The following SDK2 variants were observed in gnomAD, a reference collection of about 807,000 sequenced individuals.
SDK2 encodes sidekick cell adhesion molecule 2.
In SDK2, 105 loss-of-function variants were observed where a neutral mutation model predicts 253.9. The ratio of observed to expected loss-of-function variants is 0.41; its 90% CI spans 0.35 to 0.49. The LOEUF (loss-of-function observed/expected upper bound fraction) is 0.49. Ranked by LOEUF, SDK2 falls within the 20% of genes least tolerant of loss-of-function variation. SDK2 has a pLI of 0.06. For synonymous variants in SDK2, 1,249 were observed against 1,234.9 expected (o/e 1.01, Z -0.24); for missense variants, 2,608 against 3,003.0 (o/e 0.87, Z 3.07).
chr17:73,463,694 C>T (rs1221102647), intron 3 of SDK2, among the ~76,000 whole-genome samples: 7 of 152,152 alleles, frequency 4.6e-5, no homozygotes, highest in South Asian at 4.1e-4. Context: ...TATAGTCTTC[C>T]GTGATTTGCA....
intron 1 of SDK2, among the ~76,000 whole-genome samples, chr17:73,550,016 C>T (rs1366462675): frequency 6.6e-6 from 1 of 152,102 alleles, no homozygotes; most frequent in Non-Finnish European, 1.5e-5. Flanking sequence ...ACTAATGCAC[C>T]CCTCCCGCTG....
At chr17:73,483,661 G>GTGTGTGTA (rs1388091890) in intron 2 of SDK2, among the ~76,000 whole-genome samples, 1 of 70,192 alleles carries the variant, frequency 1.4e-5, no homozygotes, top group African/African-American at 6.2e-5. Flanking sequence ...GTGTGTGTGT[G>GTGTGTGTA]TATATATATA....
chr17:73,469,992 GCA>G (rs34448667), intron 3 of SDK2, among the ~76,000 whole-genome samples: 4,564 of 126,190 alleles, frequency 0.036, 71 homozygotes, highest in African/African-American at 0.051. Context: ...GCGCGCGCGC[GCA>G]CACACACACA....
At chr17:73,377,587 G>A (rs113941181) in intron 36 of SDK2, among the ~76,000 whole-genome samples, 3,007 of 151,264 alleles carry the variant, frequency 0.02, 87 homozygotes, top group East Asian at 0.12. Context: ...TTCACCCCTC[G>A]GGGGGTGAGA....
At chr17:73,410,099 CT>C (rs758904532) in intron 18 of SDK2, among the ~76,000 whole-genome samples, 1 of 152,164 alleles carries the variant, frequency 6.6e-6, no homozygotes, top group Non-Finnish European at 1.5e-5. Flanking sequence ...AGAGATCCCC[CT>C]GTCTTGGCCT....
chr17:73,633,844 CT>C (rs756578796), intron 1 of SDK2, among the ~76,000 whole-genome samples: 2 of 151,950 alleles, frequency 1.3e-5, no homozygotes, highest in Admixed American at 6.6e-5. Flanking sequence ...TCACGCTAGA[CT>C]TTTTGGGGTC....
chr17:73,461,361 A>G (rs2063561135), intron 3 of SDK2, among the ~76,000 whole-genome samples: 1 of 152,248 alleles, frequency 6.6e-6, no homozygotes, highest in Admixed American at 6.5e-5. Context: ...AAGTAAATCA[A>G]CCCAAAAGCA....
At chr17:73,615,279 A>C (rs1315606072) in intron 1 of SDK2, among the ~76,000 whole-genome samples, 3 of 152,196 alleles carry the variant, frequency 2.0e-5, no homozygotes, top group Non-Finnish European at 4.4e-5. Flanking sequence ...CCAGAAGTAA[A>C]GTAAGTTGTC....
chr17:73,462,876 G>C (rs2063573449), intron 3 of SDK2, among the ~76,000 whole-genome samples: 1 of 152,124 alleles, frequency 6.6e-6, no homozygotes, highest in Admixed American at 6.5e-5. Context: ...GTGCTTCTTG[G>C]ATCTGCCCAG....
At chr17:73,413,829 C>T (rs752766163) in intron 18 of SDK2, among the ~76,000 whole-genome samples, 22 of 152,206 alleles carry the variant, frequency 1.4e-4, no homozygotes, top group East Asian at 7.7e-4. Flanking sequence ...AAAGAACATG[C>T]GCAGGTTGCC....
intron 1 of SDK2, among the ~76,000 whole-genome samples, chr17:73,582,430 CT>C (rs1599699437): frequency 6.6e-6 from 1 of 152,226 alleles, no homozygotes; most frequent in Admixed American, 6.5e-5. Context: ...GGCACGAACA[CT>C]TTGCCTTTTT....
chr17:73,473,612 C>G (rs1378789287), intron 2 of SDK2, among the ~76,000 whole-genome samples: 1 of 152,208 alleles, frequency 6.6e-6, no homozygotes, highest in African/African-American at 2.4e-5. Context: ...TGGCTAGGGC[C>G]TGTCATCATC....
intron 27 of SDK2, among the ~76,000 whole-genome samples, chr17:73,392,191 G>A (rs1354264931): frequency 8.9e-6 from 1 of 111,940 alleles, no homozygotes; most frequent in East Asian, 2.5e-4. Context: ...TGGGGCAGGG[G>A]GTGGGGGAGG....
chr17:73,517,235 G>A (rs2064036515), intron 1 of SDK2: 1 of 152,170 alleles, frequency 6.6e-6, no homozygotes, highest in African/African-American at 2.4e-5. Context: ...TGTGGGACAA[G>A]ACTAGGTGAT....
At chr17:73,433,965 T>G in intron 9 of SDK2, 117 bp from the exon 10 acceptor site, 1 of 654,236 alleles carries the variant, frequency 1.5e-6, no homozygotes, top group Non-Finnish European at 2.6e-6. Flanking sequence ...CCTGCCATGG[T>G]GAGGGGCCCT....
intron 1 of SDK2, among the ~76,000 whole-genome samples, chr17:73,540,778 C>T (rs768287991): frequency 9.2e-5 from 14 of 152,146 alleles, no homozygotes; most frequent in Non-Finnish European, 1.9e-4. Context: ...GGCACCCATG[C>T]CAGTGACCTG....
In SDK2 at chr17:73,352,476, G is replaced by A; in HGVS notation, c.5755C>T (p.Pro1919Ser). The change falls in exon 41 of 45, where the codon CCA (proline) becomes TCA (serine). Residue 1919 changes from proline (P) to serine (S), a missense_variant. Physicochemically the swap from Pro to Ser is moderately conservative, Grantham distance 74. This residue lies in a region of SDK2 where 1,103 missense variants were observed against 1,143.9 expected (regional missense o/e 0.96). Transcript: ENST00000392650. The surrounding 1 kb of genome is among the most constrained non-coding windows in gnomAD (Gnocchi z 4.1). The part of the protein sequence containing the change: ...GTPSSPSQSV[P>S]AQKANPFYEE... ...CCCTCAGCCCCCAGGCCGGTACCTGGCACAGACTGGGAGGGGCTGCTGGGG... is the reference window on the plus strand; with the variant it reads ...CCCTCAGCCCCCAGGCCGGTACCTGACACAGACTGGGAGGGGCTGCTGGGG... 6.2e-7 allele frequency: 1 copy of A among 1,612,166 alleles called. No homozygotes were observed. The highest frequency in any genetic ancestry group is 8.5e-7 in the Non-Finnish European group (1 of 1,179,272).
intron 5 of SDK2, among the ~76,000 whole-genome samples, chr17:73,441,468 G>C (rs186437182): frequency 1.3e-5 from 2 of 152,264 alleles, no homozygotes; most frequent in Admixed American, 1.3e-4. Context: ...ATCAGGGTGG[G>C]CTCAAGATCC....
rs940985494 is a variant in SDK2, at chr17:73,643,302, C to T, written c.64+723G>A. On this transcript the variant is annotated intron_variant, in intron 1 of 44. Transcript: ENST00000392650. This position sits in a 1 kb window ranked among gnomAD's most constrained non-coding sequence, Gnocchi z 6.9. The stretch of plus-strand genomic sequence containing the variant: ...AGCAGCGAGCGGCTGCACAGACTAT[C>T]GAGCGAACAGCGGAGGCTGGAGGCA... 3.3e-5 allele frequency among the ~76,000 whole-genome samples: 5 copies of T among 152,204 alleles called. No individual in the cohort carries two copies. The highest frequency in any genetic ancestry group is 7.2e-5 in the African/African-American group (3 of 41,458).
Sources: allele counts gnomAD v4.1 joint callset (sites outside exome capture counted in the v4.1 genomes callset), GRCh38; gene constraint gnomAD v4.1.1; regional missense constraint gnomAD v4.1.1; non-coding constraint Gnocchi (gnomAD v3.1); transcripts MANE v1.5; gene names NCBI Gene and HGNC (gene_info 2026-07-23, HGNC 2026-07-21).